Variants in SORCS2 observed in about 807,000 individuals in gnomAD.
SORCS2 encodes the protein VPS10 domain-containing receptor SorCS2.
SORCS2 carries 100 observed loss-of-function variants against 141.6 expected under a neutral mutation model. That is an observed-to-expected ratio of 0.71 (90% CI 0.60 to 0.83). The LOEUF (loss-of-function observed/expected upper bound fraction) is 0.83. SORCS2 is among the 40% of genes least tolerant of loss of function. The pLI, the probability that SORCS2 is intolerant of heterozygous loss-of-function variation, is 0.00. For missense variants in SORCS2, 1,646 were observed against 1,560.2 expected (o/e 1.05, Z -0.93); for synonymous variants, 789 against 676.9 (o/e 1.17, Z -2.57).
At chr4:7,503,642 G>A (rs933780572) in intron 2 of SORCS2, among the ~76,000 whole-genome samples, 2 of 152,194 alleles carry the variant, frequency 1.3e-5, no homozygotes, top group African/African-American at 4.8e-5. Context: ...AGGCACAGGT[G>A]CAGATGGAGG....
At chr4:7,501,455 G>T (rs28740815) in intron 2 of SORCS2, among the ~76,000 whole-genome samples, 3,351 of 152,278 alleles carry the variant, frequency 0.022, 129 homozygotes, top group African/African-American at 0.076. Flanking sequence ...GAGCTCCCAG[G>T]GGGCAGGATT....
rs181079964 is a variant in SORCS2 at position 7,402,177 on chromosome 4, G to A, written c.548+5822G>A. On this transcript the variant is annotated intron_variant, in intron 2 of 26. Coordinates refer to ENST00000507866, the MANE Select transcript of SORCS2 (RefSeq NM_020777.3). The stretch of plus-strand genomic sequence containing the variant: ...TGCCTGTAATCTAGCTGTCATCAAT[G>A]TCAACTTTTTCCATATATGTTTGGA... Among the ~76,000 whole-genome samples, 122 of 152,222 alleles carry A rather than the reference G, an allele frequency of 8.0e-4. 1 individual carries two copies. In the Middle Eastern group the frequency reaches 0.014, roughly 17 times the overall value.
chr4:7,584,017 C>G (rs1197295487), intron 3 of SORCS2, among the ~76,000 whole-genome samples: 1 of 152,222 alleles, frequency 6.6e-6, no homozygotes, highest in Non-Finnish European at 1.5e-5. Context: ...CTCCCAGAGG[C>G]TAGAACCTTT....
At chr4:7,721,448 AGAGT>A (rs1726585686) in intron 18 of SORCS2, among the ~76,000 whole-genome samples, 1 of 152,166 alleles carries the variant, frequency 6.6e-6, no homozygotes, top group Admixed American at 6.5e-5. Flanking sequence ...CCTGGGCAAC[AGAGT>A]GAGATCCCGT....
At chr4:7,715,977 T>G (rs890223902) in intron 17 of SORCS2, among the ~76,000 whole-genome samples, 1 of 152,234 alleles carries the variant, frequency 6.6e-6, no homozygotes, top group African/African-American at 2.4e-5. Flanking sequence ...TGTGGTTTGC[T>G]GAATACAAGC....
chr4:7,659,635 G>C (rs1187572197), intron 5 of SORCS2, among the ~76,000 whole-genome samples: 1 of 152,242 alleles, frequency 6.6e-6, no homozygotes, highest in Non-Finnish European at 1.5e-5. Context: ...GGCAGAATTG[G>C]TGCCAGAGTA....
chr4:7,698,290 G>A lies in SORCS2; in HGVS notation c.1668+1016G>A, dbSNP rs1248555485. Reference sequence around the variant, plus strand: ...TCTGTTTGAGGTCAGTGTTTTACACGCCCGAGTACCCCAGCCACGGCCCCC... The same window carrying A: ...TCTGTTTGAGGTCAGTGTTTTACACACCCGAGTACCCCAGCCACGGCCCCC... On this transcript the variant is annotated intron_variant, in intron 12 of 26. Coordinates refer to ENST00000507866, the MANE Select transcript of SORCS2 (RefSeq NM_020777.3). 4.6e-5 allele frequency among the ~76,000 whole-genome samples: 7 copies of A among 152,148 alleles called. 1 individual carries two copies. The highest frequency in any genetic ancestry group is 1.4e-4 in the African/African-American group (6 of 41,436).
At chr4:7,590,849 GT>G (rs1449758864) in intron 3 of SORCS2, among the ~76,000 whole-genome samples, 3 of 152,240 alleles carry the variant, frequency 2.0e-5, no homozygotes, top group Non-Finnish European at 4.4e-5. Context: ...TGTGTCTTGT[GT>G]TAGACCACTG....
intron 1 of SORCS2, among the ~76,000 whole-genome samples, chr4:7,369,080 G>C (rs181203852): frequency 6.6e-6 from 1 of 152,168 alleles, no homozygotes; most frequent in Admixed American, 6.5e-5. Flanking sequence ...GTCAAGGCGG[G>C]TGGATCACTT....
chr4:7,578,115 G>A (rs534005645), intron 3 of SORCS2, among the ~76,000 whole-genome samples: 2 of 152,320 alleles, frequency 1.3e-5, no homozygotes, highest in African/African-American at 4.8e-5. Context: ...GTCCTCTCAG[G>A]ATTGAGTTCT....
chr4:7,638,189 G>C (rs1720394079), intron 3 of SORCS2, 139 bp from the exon 4 acceptor site: 6 of 1,074,232 alleles, frequency 5.6e-6, no homozygotes, highest in Non-Finnish European at 7.8e-6. Context: ...AAGGGGAGAG[G>C]CACACCCGGC....
At chr4:7,377,458 T>C (rs1426162985) in intron 1 of SORCS2, among the ~76,000 whole-genome samples, 3 of 152,218 alleles carry the variant, frequency 2.0e-5, no homozygotes, top group Admixed American at 6.5e-5. Context: ...CAACAGACAT[T>C]CATCACTTCA....
chr4:7,564,226 AT>A (rs1714802001), intron 3 of SORCS2, among the ~76,000 whole-genome samples: 1 of 152,176 alleles, frequency 6.6e-6, no homozygotes, highest in Non-Finnish European at 1.5e-5. Context: ...TTGTCCCTCT[AT>A]GAAGTGGACA....
intron 12 of SORCS2, among the ~76,000 whole-genome samples, chr4:7,701,818 G>A (rs905677914): frequency 2.0e-5 from 3 of 152,196 alleles, no homozygotes; most frequent in Non-Finnish European, 2.9e-5. Flanking sequence ...GAAGACGGGC[G>A]CAGATGCTTC....
At chr4:7,421,214 C>A (rs1478067584) in intron 2 of SORCS2, among the ~76,000 whole-genome samples, 3 of 152,190 alleles carry the variant, frequency 2.0e-5, no homozygotes, top group Non-Finnish European at 4.4e-5. Context: ...AGGGGGCACC[C>A]ACCTGGGTCA....
chr4:7,360,747 T>A (rs553874621), intron 1 of SORCS2, among the ~76,000 whole-genome samples: 1 of 151,422 alleles, frequency 6.6e-6, no homozygotes, highest in Non-Finnish European at 1.5e-5. Flanking sequence ...CACACTTGGC[T>A]AATTTTTGTA....
chr4:7,275,945 G>C lies in SORCS2; in HGVS notation c.480+82819G>C, dbSNP rs1305181079. ...TCCGAAAAAAGAATGCAAATGAAGT[G>C]CATCCAGGCAAGTGCCTGGACCGAG... On this transcript the variant is annotated intron_variant, in intron 1 of 26. Coordinates refer to ENST00000507866, the MANE Select transcript of SORCS2 (RefSeq NM_020777.3). Among the ~76,000 whole-genome samples the C allele has an allele frequency of 5.3e-5, 8 of 152,196 alleles. No individual in the cohort carries two copies. The East Asian group carries it at 1.2e-3, about 22-fold the overall frequency.
intron 5 of SORCS2, among the ~76,000 whole-genome samples, chr4:7,655,414 C>T (rs985838375): frequency 6.6e-6 from 1 of 152,202 alleles, no homozygotes; most frequent in Non-Finnish European, 1.5e-5. Flanking sequence ...GCCCCCTCAG[C>T]CTTCCGTTCC....
chr4:7,287,083 G>C (rs903287515), intron 1 of SORCS2, among the ~76,000 whole-genome samples: 1 of 152,196 alleles, frequency 6.6e-6, no homozygotes, highest in Admixed American at 6.5e-5. Flanking sequence ...ACAGCCTTCT[G>C]TGTTGACTTC....
Sources: gnomAD v4.1 joint callset for allele counts (sites outside exome capture counted in the v4.1 genomes callset) on GRCh38, gnomAD v4.1.1 for gene constraint, MANE v1.5 for transcripts, NCBI Gene and HGNC (gene_info 2026-07-23, HGNC 2026-07-21) for gene names.